Variants in PLEKHM2 observed in about 807,000 individuals in gnomAD.
PLEKHM2 encodes pleckstrin homology and RUN domain containing M2, also known as pleckstrin homology domain-containing family M member 2.
PLEKHM2 carries 77 observed loss-of-function variants against 116.3 expected under a neutral mutation model. The ratio of observed to expected loss-of-function variants is 0.66; its 90% CI spans 0.55 to 0.80. The LOEUF is 0.80. Among genes scored for constraint, PLEKHM2 ranks in the 30% least tolerant of loss-of-function variants. The pLI, the probability that PLEKHM2 is intolerant of heterozygous loss-of-function variation, is 0.00. For missense variants in PLEKHM2, 1,183 were observed against 1,354.9 expected (o/e 0.87, Z 1.99); for synonymous variants, 562 against 571.0 (o/e 0.98, Z 0.22).
intron 1 of PLEKHM2, among the ~76,000 whole-genome samples, chr1:15,709,722 A>G (rs1200274207): frequency 6.6e-6 from 1 of 152,154 alleles, no homozygotes; most frequent in Non-Finnish European, 1.5e-5. Context: ...GTTTCAAGGC[A>G]CAGATTGCTT....
chr1:15,729,314 T>G lies in PLEKHM2; in HGVS notation c.2075+124T>G. 1.3e-6 allele frequency: 1 copy of G among 776,280 alleles called. No individual in the cohort carries two copies. Among genetic ancestry groups the G allele is most frequent in the Non-Finnish European group, 2.2e-6 (1 of 450,200 alleles). 48.1% of individuals were successfully genotyped at this position (776,280 alleles called of 1,614,324 possible). A position where few individuals can be genotyped will look rare whatever the true frequency, so the allele number is the denominator to read the frequency against. ...GATCCAGGAGGGGAAACCAGATGTA[T>G]TCCCTCTGGAACCTGCATCTGCTCA... On this transcript the variant is annotated intron_variant, in intron 13 of 19. Transcript: ENST00000375799. The surrounding 1 kb of genome is among the most constrained non-coding windows in gnomAD (Gnocchi z 4.7).
chr1:15,701,672 TC>T (rs1449481189), intron 1 of PLEKHM2, among the ~76,000 whole-genome samples: 1 of 151,662 alleles, frequency 6.6e-6, no homozygotes, highest in East Asian at 1.9e-4. Context: ...GCGCCTGTAG[TC>T]CCAGCTGCTT....
intron 1 of PLEKHM2, among the ~76,000 whole-genome samples, chr1:15,688,022 C>T (rs1640807604): frequency 1.3e-5 from 2 of 152,174 alleles, no homozygotes; most frequent in Admixed American, 1.3e-4. Context: ...TGTACAGGTC[C>T]TGAGCGGACA....
Position 15,719,985 on chromosome 1 carries a change from T to A in PLEKHM2, c.652+65T>A. 7.5e-7 allele frequency: 1 copy of A among 1,331,082 alleles called. No individual in the cohort carries two copies. The highest frequency in any genetic ancestry group is 1.0e-6 in the Non-Finnish European group (1 of 971,550). 82.5% of individuals were successfully genotyped at this position (1,331,082 alleles called of 1,614,324 possible). On this transcript the variant is annotated intron_variant, in intron 6 of 19. Transcript: ENST00000375799. The surrounding 1 kb of genome is among the most constrained non-coding windows in gnomAD (Gnocchi z 4.1). Reference sequence around the variant, plus strand: ...GAAACAGACTTGAACTGCTTAAGCCTGGCTGGGTGATGTCTTCCTTGGCTA... The same window carrying A: ...GAAACAGACTTGAACTGCTTAAGCCAGGCTGGGTGATGTCTTCCTTGGCTA...
intron 8 of PLEKHM2, among the ~76,000 whole-genome samples, chr1:15,726,752 T>C (rs1344031447): frequency 6.6e-6 from 1 of 152,096 alleles, no homozygotes; most frequent in Non-Finnish European, 1.5e-5. Context: ...GTAGACCCAC[T>C]CTGGGGTTCC....
At chr1:15,720,373 A>G (rs1030299730) in intron 6 of PLEKHM2, 1 of 984,930 alleles carries the variant, frequency 1.0e-6, no homozygotes, top group Non-Finnish European at 1.2e-6. Context: ...AGCGCAGGGA[A>G]ACCTTGCCAC....
chr1:15,689,698 A>G (rs1640849677), intron 1 of PLEKHM2, among the ~76,000 whole-genome samples: 1 of 152,206 alleles, frequency 6.6e-6, no homozygotes, highest in Admixed American at 6.5e-5. Flanking sequence ...ACTACTTGCA[A>G]GCGTCTCTGT....
chr1:15,689,754 T>G (rs1014110928), intron 1 of PLEKHM2, among the ~76,000 whole-genome samples: 2 of 152,162 alleles, frequency 1.3e-5, no homozygotes, highest in South Asian at 2.1e-4. Context: ...AGTGGTGGTG[T>G]TTTTTGTGTT....
chr1:15,701,714 C>A (rs1334804133), intron 1 of PLEKHM2, among the ~76,000 whole-genome samples: 1 of 152,136 alleles, frequency 6.6e-6, no homozygotes, highest in Non-Finnish European at 1.5e-5. Context: ...TGGTGTGAAC[C>A]CGGGAGGCGG....
chr1:15,716,397 G>T (rs1039570867), intron 2 of PLEKHM2, 54 bp downstream of exon 2: 6 of 1,085,608 alleles, frequency 5.5e-6, no homozygotes, highest in Non-Finnish European at 8.2e-6. Flanking sequence ...GCCATGAGTA[G>T]CCTCCACAGA....
intron 1 of PLEKHM2, among the ~76,000 whole-genome samples, chr1:15,699,057 G>A (rs969871754): frequency 1.3e-5 from 2 of 152,106 alleles, no homozygotes; most frequent in Admixed American, 1.3e-4. Context: ...TGACGCAGTG[G>A]CTCATGCCTG....
rs553879527 is a variant in PLEKHM2 at position 15,723,701 on chromosome 1, C to T, written c.713-1616C>T. Among the ~76,000 whole-genome samples, 12 of 144,106 alleles carry T rather than the reference C, an allele frequency of 8.3e-5. No individual in the cohort carries two copies. The South Asian group carries it at 1.1e-3, about 13-fold the overall frequency. The allele number at this position is 144,106 out of a possible 152,430, so 94.5% of individuals were successfully genotyped here. On this transcript the variant is annotated intron_variant, in intron 7 of 19. Coordinates refer to ENST00000375799, the MANE Select transcript of PLEKHM2 (RefSeq NM_015164.4). ...TCGAGGCTACAGTGAGCTGTGATTG[C>T]GCCACTGCGCTCCAGTCCGAGCGAC...
intron 1 of PLEKHM2, among the ~76,000 whole-genome samples, chr1:15,689,423 G>T (rs991463780): frequency 2.0e-5 from 3 of 152,092 alleles, no homozygotes; most frequent in East Asian, 3.9e-4. Context: ...ATTGCCAAGG[G>T]TTCTGCAAGA....
rs768538956 is a variant in PLEKHM2, at chr1:15,684,622, A to T, written c.60+4A>T. ...CATCTCGCTGTCGGTGAAGAAGGTG[A>T]GCGCGGCCTCCCTCCCGGCCGGGGC... On this transcript the variant is annotated splice_donor_region_variant and intron_variant, in intron 1 of 19. Transcript: ENST00000375799. The T allele has an allele frequency of 1.6e-6, 2 of 1,287,960 alleles. No individual in the cohort carries two copies. Among genetic ancestry groups the T allele is most frequent in the Admixed American group, 3.0e-5 (1 of 32,962 alleles). 79.8% of individuals were successfully genotyped at this position (1,287,960 alleles called of 1,614,324 possible). A position where few individuals can be genotyped will look rare whatever the true frequency, so the allele number is the denominator to read the frequency against.
Position 15,718,574 on chromosome 1 carries a change from C to A in PLEKHM2, c.414C>A (p.Leu138=). ...ALVCSHDHLT[L]FLTLVSGLEF... is the part of the protein sequence containing the mutation. ...TCTGCAGCCACGATCACCTGACGCT[C>A]TTCCTGACCTTGGTGTCCGGGCTAG... The change falls in exon 5 of 20, where the codon CTC becomes CTA. Residue 138 remains leucine (L), a synonymous_variant. Transcript: ENST00000375799. 1 of 1,576,676 alleles carries A rather than the reference C, an allele frequency of 6.3e-7. No homozygotes were observed. Among genetic ancestry groups the A allele is most frequent in the East Asian group, 2.3e-5 (1 of 43,138 alleles).
At chr1:15,710,163 C>T (rs1641303095) in intron 1 of PLEKHM2, among the ~76,000 whole-genome samples, 1 of 147,078 alleles carries the variant, frequency 6.8e-6, no homozygotes, top group Admixed American at 6.8e-5. Context: ...GGAGGCGGAG[C>T]TTGCAGTGAG....
chr1:15,692,688 C>T (rs1571020472), intron 1 of PLEKHM2, among the ~76,000 whole-genome samples: 1 of 151,782 alleles, frequency 6.6e-6, no homozygotes, highest in African/African-American at 2.4e-5. Flanking sequence ...TCCTCTCACT[C>T]CAGCCTCCCA....
intron 1 of PLEKHM2, among the ~76,000 whole-genome samples, chr1:15,703,425 G>C: frequency 6.6e-6 from 1 of 152,222 alleles, no homozygotes; most frequent in Non-Finnish European, 1.5e-5. Flanking sequence ...TAACTTGCGA[G>C]TTGACAGCAG....
Position 15,729,147 on chromosome 1 carries a change from A to G in PLEKHM2, c.2032A>G (p.Arg678Gly). ...GGTGAAGCTGGTGTGCACCAACCGC[A>G]GGAAGCAGTTTCTGCTGGACACGGC... ...QTVKLVCTNR[R>G]KQFLLDTADV... The change falls in exon 13 of 20, where the codon AGG (arginine) becomes GGG (glycine). Residue 678 changes from arginine (R) to glycine (G), a missense_variant. By Grantham distance (125) the Arg-to-Gly change is moderately radical. Around this residue, in one of 3 missense-constraint regions of PLEKHM2, gnomAD observed 594 missense variants for 720.1 expected, o/e 0.82. Coordinates refer to ENST00000375799, the MANE Select transcript of PLEKHM2 (RefSeq NM_015164.4). This position sits in a 1 kb window ranked among gnomAD's most constrained non-coding sequence, Gnocchi z 4.7. 3 of 1,612,248 alleles carry G rather than the reference A, an allele frequency of 1.9e-6. No homozygotes were observed. Among genetic ancestry groups the G allele is most frequent in the Non-Finnish European group, 1.7e-6 (2 of 1,179,250 alleles).
Sources: gnomAD v4.1 joint callset for allele counts (sites outside exome capture counted in the v4.1 genomes callset) on GRCh38, gnomAD v4.1.1 for gene constraint, gnomAD v4.1.1 regional missense constraint, Gnocchi (gnomAD v3.1) non-coding constraint, MANE v1.5 for transcripts, NCBI Gene and HGNC (gene_info 2026-07-23, HGNC 2026-07-21) for gene names.